PTAR1: variants seen among roughly 807,000 people sequenced by gnomAD.
PTAR1 encodes protein prenyltransferase alpha subunit repeat containing 1.
A neutral mutation model predicts 45.5 loss-of-function variants in PTAR1; 17 were observed. That is an observed-to-expected ratio of 0.37 (90% confidence interval 0.26 to 0.56). PTAR1 has a LOEUF of 0.56. Ranked by LOEUF, PTAR1 falls within the 20% of genes least tolerant of loss-of-function variation. The probability of loss-of-function intolerance (pLI) is 0.77; values close to 1 mark genes in which losing one functional copy is unlikely to be tolerated. For missense variants in PTAR1, 391 were observed against 476.3 expected (o/e 0.82, Z 1.67); for synonymous variants, 169 against 171.3 (o/e 0.99, Z 0.11).
intron 3 of PTAR1, among the ~76,000 whole-genome samples, chr9:69,740,305 A>G (rs1825984095): frequency 6.6e-6 from 1 of 152,132 alleles, no homozygotes; most frequent in Admixed American, 6.6e-5. Context: ...ATGATGAAAC[A>G]GGACTAAGTT....
rs1824949576 is a variant in PTAR1, at chr9:69,720,582, G to A, written c.948-1898C>T. Among the ~76,000 whole-genome samples the A allele has an allele frequency of 4.6e-5, 7 of 152,304 alleles. No homozygotes were observed. In the South Asian group the frequency reaches 1.5e-3, roughly 32 times the overall value. ...GATGAAGGCAGCTATACTGACAAGA[G>A]ATTTGCAATGTAGATGAAATACCCT... On this transcript the variant is annotated intron_variant, in intron 6 of 7. Transcript: ENST00000340434.
At chr9:69,749,534 T>A (rs112645968) in intron 2 of PTAR1, among the ~76,000 whole-genome samples, 142 of 152,176 alleles carry the variant, frequency 9.3e-4, no homozygotes, top group African/African-American at 3.4e-3. Flanking sequence ...TGCCATAAAT[T>A]TGGGCTATGG....
At chr9:69,749,077 G>A (rs924357287) in intron 2 of PTAR1, among the ~76,000 whole-genome samples, 2 of 152,052 alleles carry the variant, frequency 1.3e-5, no homozygotes, top group Admixed American at 6.6e-5. Context: ...TTAATATTCC[G>A]CAAGGTTCCT....
intron 5 of PTAR1, 33 bp from the exon 6 acceptor site, chr9:69,723,663 G>C (rs1415187692): frequency 6.6e-7 from 1 of 1,506,832 alleles, no homozygotes. Flanking sequence ...GTAAGAAGAA[G>C]AGTTCCCAAA....
Position 69,731,570 on chromosome 9 carries a change from G to C in PTAR1, c.642+569C>G, listed in dbSNP as rs142951740. 2.0e-3 allele frequency among the ~76,000 whole-genome samples: 312 copies of C among 152,242 alleles called. 1 individual carries two copies. The highest frequency in any genetic ancestry group is 7.2e-3 in the African/African-American group (297 of 41,528). ...ATTAGGCTGTGAGAGTTTCCAAACTGGCTCTGCATTCAAATAACCCTGAGT... is the reference window on the plus strand; with the variant it reads ...ATTAGGCTGTGAGAGTTTCCAAACTCGCTCTGCATTCAAATAACCCTGAGT... On this transcript the variant is annotated intron_variant, in intron 5 of 7. Transcript: ENST00000340434.
At chr9:69,750,988 G>A (rs1308436579) in intron 1 of PTAR1, 38 bp from the exon 2 acceptor site, 6 of 1,347,538 alleles carry the variant, frequency 4.5e-6, no homozygotes, top group Non-Finnish European at 5.0e-6. Flanking sequence ...TAAAAATAAG[G>A]ATACTAACCT....
chr9:69,728,200 A>G (rs1177819283), intron 5 of PTAR1, among the ~76,000 whole-genome samples: 1 of 152,032 alleles, frequency 6.6e-6, no homozygotes, highest in Non-Finnish European at 1.5e-5. Flanking sequence ...CAGGTGAGGT[A>G]TTATTTTTTG....
intron 3 of PTAR1, among the ~76,000 whole-genome samples, chr9:69,736,880 C>G (rs900528778): frequency 6.6e-6 from 1 of 152,098 alleles, no homozygotes; most frequent in Non-Finnish European, 1.5e-5. Flanking sequence ...CTTGAAACAA[C>G]CTCAATCAAT....
At chr9:69,738,908 A>C (rs945166978) in intron 3 of PTAR1, among the ~76,000 whole-genome samples, 1 of 151,650 alleles carries the variant, frequency 6.6e-6, no homozygotes, top group Admixed American at 6.6e-5. Flanking sequence ...CCCAGGTTCA[A>C]GCGATTCCCC....
In PTAR1 at chr9:69,749,156, G is replaced by C. The variant is rs547940040; in HGVS notation, c.256+1625C>G. 2.6e-5 allele frequency among the ~76,000 whole-genome samples: 4 copies of C among 152,242 alleles called. No homozygotes were observed. The South Asian group carries it at 8.3e-4, about 32-fold the overall frequency. On this transcript the variant is annotated intron_variant, in intron 2 of 7. Coordinates refer to ENST00000340434, the MANE Select transcript of PTAR1 (RefSeq NM_001099666.2). ...CAAAGCCTGCAATAGTGTCCAGAAG[G>C]ACAAAAACAGAGAAATGGAGAGGAC...
chr9:69,740,386 G>A (rs1825988215), intron 3 of PTAR1, among the ~76,000 whole-genome samples: 1 of 151,746 alleles, frequency 6.6e-6, no homozygotes, highest in Non-Finnish European at 1.5e-5. Context: ...TGAATAACAC[G>A]TGTGTATACA....
At chr9:69,734,848 C>A (rs1163894022) in intron 3 of PTAR1, among the ~76,000 whole-genome samples, 2 of 152,182 alleles carry the variant, frequency 1.3e-5, no homozygotes, top group Non-Finnish European at 2.9e-5. Context: ...ACATCCTGCT[C>A]TCATTATATC....
At chr9:69,720,950 A>G (rs1350822087) in intron 6 of PTAR1, among the ~76,000 whole-genome samples, 1 of 152,190 alleles carries the variant, frequency 6.6e-6, no homozygotes, top group East Asian at 1.9e-4. Context: ...TGAGATGTAC[A>G]AAAAGATTCA....
chr9:69,734,343 A>C, intron 3 of PTAR1, 89 bp from the exon 4 acceptor site: 9 of 555,006 alleles, frequency 1.6e-5, no homozygotes, highest in Non-Finnish European at 2.6e-5. Context: ...ATATAATCTC[A>C]TTGTGAAGCG....
At chr9:69,725,604 AT>A (rs1160891024) in intron 5 of PTAR1, among the ~76,000 whole-genome samples, 10 of 127,794 alleles carry the variant, frequency 7.8e-5, no homozygotes, top group African/African-American at 2.2e-4. Context: ...AAGAAAAAAA[AT>A]ATATATATAT....
Position 69,734,258 on chromosome 9 carries a change from TA to T in PTAR1, c.324-5del, listed in dbSNP as rs398010830. The T allele has an allele frequency of 0.07, 14,312 of 205,908 alleles. 3 individuals are homozygous for T. Among genetic ancestry groups the T allele is most frequent in the East Asian group, 0.12 (1,890 of 15,346 alleles). 12.8% of individuals were successfully genotyped at this position (205,908 alleles called of 1,614,324 possible). ...GCCAGAGAGGATCAGCTCTTTCCTGTAAAAAAAAAAAAAAAAAAAAAAAAAA... is the reference window on the plus strand; with the variant it reads ...GCCAGAGAGGATCAGCTCTTTCCTGTAAAAAAAAAAAAAAAAAAAAAAAAA... On this transcript the variant is annotated splice_polypyrimidine_tract_variant and splice_region_variant and intron_variant, in intron 3 of 7. Coordinates refer to ENST00000340434, the MANE Select transcript of PTAR1 (RefSeq NM_001099666.2).
intron 4 of PTAR1, among the ~76,000 whole-genome samples, chr9:69,733,527 G>GT (rs1825644738): frequency 6.6e-6 from 1 of 152,142 alleles, no homozygotes; most frequent in Non-Finnish European, 1.5e-5. Flanking sequence ...GAGGAAGATG[G>GT]TTCCAGGTGG....
At chr9:69,724,314 C>A (rs1291587117) in intron 5 of PTAR1, among the ~76,000 whole-genome samples, 2 of 152,150 alleles carry the variant, frequency 1.3e-5, no homozygotes, top group East Asian at 3.9e-4. Flanking sequence ...CTTTGTGATA[C>A]CAATATCTTG....
chr9:69,739,847 T>C lies in PTAR1; in HGVS notation c.323+1945A>G, dbSNP rs139254481. 2.5e-3 allele frequency among the ~76,000 whole-genome samples: 377 copies of C among 152,282 alleles called. 9 individuals are homozygous for C. The East Asian group carries it at 0.063, about 25-fold the overall frequency. On this transcript the variant is annotated intron_variant, in intron 3 of 7. Coordinates refer to ENST00000340434, the MANE Select transcript of PTAR1 (RefSeq NM_001099666.2). ...AAAATCAAGATTCCCTTTCTACTCA[T>C]CTAGCACAAAACCTTACTAATCATC...
Sources: gnomAD v4.1 joint callset for allele counts (sites outside exome capture counted in the v4.1 genomes callset) on GRCh38, gnomAD v4.1.1 for gene constraint, MANE v1.5 for transcripts, NCBI Gene and HGNC (gene_info 2026-07-23, HGNC 2026-07-21) for gene names.